The following DCLK1 variants were observed in gnomAD, a reference collection of about 807,000 sequenced individuals.
The protein encoded by DCLK1 is serine/threonine-protein kinase DCLK1.
Under a neutral mutation model 86.2 loss-of-function variants are expected in DCLK1, and 16 were observed. The ratio of observed to expected loss-of-function variants is 0.19; its 90% CI spans 0.13 to 0.28. The LOEUF is 0.28. Ranked by LOEUF, DCLK1 falls within the 10% of genes least tolerant of loss-of-function variation. DCLK1 has a pLI of 1.00. For synonymous variants in DCLK1, 369 were observed against 370.5 expected, an observed-to-expected ratio of 1.00 and a Z score of 0.05; for missense variants, 590 against 940.2, an observed-to-expected ratio of 0.63 and a Z score of 4.87.
intron 3 of DCLK1, among the ~76,000 whole-genome samples, chr13:36,084,883 C>A (rs1422706099): frequency 6.6e-6 from 1 of 152,112 alleles, no homozygotes; most frequent in African/African-American, 2.4e-5. Flanking sequence ...AATTGTTATA[C>A]CATTTTCAAA....
At chr13:35,857,948 A>C (rs934885674) in intron 5 of DCLK1, among the ~76,000 whole-genome samples, 1 of 152,226 alleles carries the variant, frequency 6.6e-6, no homozygotes, top group African/African-American at 2.4e-5. Flanking sequence ...CAGGGGCCGC[A>C]TAGTGAGTAG....
intron 3 of DCLK1, among the ~76,000 whole-genome samples, chr13:36,008,673 G>A (rs1227122040): frequency 2.1e-4 from 30 of 146,330 alleles, no homozygotes; most frequent in African/African-American, 5.3e-4. Flanking sequence ...GAATAATGCC[G>A]CAATAAACAT....
chr13:35,812,105 G>C (rs2087158546), intron 11 of DCLK1, among the ~76,000 whole-genome samples: 1 of 152,240 alleles, frequency 6.6e-6, no homozygotes, highest in Admixed American at 6.5e-5. Context: ...TCAAGAAAAG[G>C]ATGCATGTGA....
At chr13:35,855,615 T>C (rs1593665736) in intron 5 of DCLK1, 2 of 1,541,450 alleles carry the variant, frequency 1.3e-6, no homozygotes, top group East Asian at 2.4e-5. Context: ...TGGGAATCGG[T>C]TGGATGAGTT....
chr13:35,972,705 T>G (rs747196365), intron 3 of DCLK1, among the ~76,000 whole-genome samples: 1 of 152,040 alleles, frequency 6.6e-6, no homozygotes, highest in South Asian at 2.1e-4. Context: ...TGAGGTGGAC[T>G]CAAAAGATGG....
intron 4 of DCLK1, among the ~76,000 whole-genome samples, chr13:35,904,542 T>C (rs1289887388): frequency 1.3e-5 from 2 of 152,176 alleles, no homozygotes; most frequent in African/African-American, 4.8e-5. Flanking sequence ...TATCAAACAT[T>C]GCACTTGCTG....
intron 4 of DCLK1, among the ~76,000 whole-genome samples, chr13:35,914,035 G>A (rs901773080): frequency 1.1e-4 from 16 of 151,974 alleles, no homozygotes; most frequent in South Asian, 6.2e-4. Context: ...AGATATATTA[G>A]GGCTGGGCAC....
intron 4 of DCLK1, among the ~76,000 whole-genome samples, chr13:35,906,068 T>C (rs1459838849): frequency 6.6e-6 from 1 of 152,206 alleles, no homozygotes; most frequent in African/African-American, 2.4e-5. Context: ...TGGAATAGCA[T>C]TGTTCTTTTC....
intron 4 of DCLK1, among the ~76,000 whole-genome samples, chr13:35,908,032 T>A (rs943036997): frequency 6.6e-6 from 1 of 152,106 alleles, no homozygotes; most frequent in Non-Finnish European, 1.5e-5. Flanking sequence ...GACGTATTCA[T>A]ACCCTTAAAA....
At chr13:36,039,358 T>C (rs1158845124) in intron 3 of DCLK1, among the ~76,000 whole-genome samples, 1 of 152,202 alleles carries the variant, frequency 6.6e-6, no homozygotes, top group African/African-American at 2.4e-5. Context: ...CCATTGGAGC[T>C]ATACTGAGCT....
At chr13:35,852,547 G>GT (rs1870733193) in intron 6 of DCLK1, among the ~76,000 whole-genome samples, 1 of 152,146 alleles carries the variant, frequency 6.6e-6, no homozygotes, top group Admixed American at 6.5e-5. Flanking sequence ...CAAGTATGGT[G>GT]TTTGCACTGA....
chr13:36,053,697 G>A (rs1883202727), intron 3 of DCLK1, among the ~76,000 whole-genome samples: 1 of 151,988 alleles, frequency 6.6e-6, no homozygotes, highest in Non-Finnish European at 1.5e-5. Context: ...TAATGATAAA[G>A]GGGACAGTGC....
At chr13:36,112,817 G>A (rs919460510) in intron 2 of DCLK1, among the ~76,000 whole-genome samples, 3 of 152,164 alleles carry the variant, frequency 2.0e-5, no homozygotes, top group Non-Finnish European at 4.4e-5. Context: ...TTGTTCATAA[G>A]TAAGAGGTTT....
At chr13:35,958,069 C>CTAG (rs1878140410) in intron 3 of DCLK1, among the ~76,000 whole-genome samples, 1 of 31,622 alleles carries the variant, frequency 3.2e-5, no homozygotes, top group Non-Finnish European at 1.2e-4. Context: ...ACCACTAGCA[C>CTAG]CACCACCACT....
At chr13:36,125,738 T>TGG in intron 2 of DCLK1, 24 bp downstream of exon 2, 1 of 1,598,242 alleles carries the variant, frequency 6.3e-7, no homozygotes, top group African/African-American at 1.3e-5. Context: ...TAGGGTCACG[T>TGG]GGGGGTTATC....
chr13:35,774,552 G>A lies in DCLK1; in HGVS notation c.2206C>T (p.Pro736Ser). The A allele has an allele frequency of 1.9e-6, 3 of 1,555,078 alleles. No individual in the cohort carries two copies. Among genetic ancestry groups the A allele is most frequent in the Non-Finnish European group, 2.6e-6 (3 of 1,148,450 alleles). The change falls in exon 17 of 17, where the codon CCT becomes TCT. Residue 736 changes from proline (P) to serine (S), a missense_variant. Physicochemically the swap from Pro to Ser is moderately conservative, Grantham distance 74 (BLOSUM62 -1). Around this residue, in one of 6 missense-constraint regions of DCLK1, gnomAD observed 146 missense variants for 190.2 expected, o/e 0.77. Transcript: ENST00000360631. ...SPSSSETVRS[P>S]NSPF ...GGGTCTTATTAAAAGGGCGAGTTAG[G>A]GGAGCGAACAGTCTCGGAGGAGCTT...
At chr13:36,034,885 A>C (rs973120617) in intron 3 of DCLK1, among the ~76,000 whole-genome samples, 1 of 152,176 alleles carries the variant, frequency 6.6e-6, no homozygotes, top group African/African-American at 2.4e-5. Flanking sequence ...TGGTAAGGAG[A>C]AAGTTCAGGA....
At chr13:36,045,318 ATG>A (rs1190083437) in intron 3 of DCLK1, among the ~76,000 whole-genome samples, 3,961 of 79,598 alleles carry the variant, frequency 0.05, 232 homozygotes, top group East Asian at 0.089. Flanking sequence ...ATGTCTATAT[ATG>A]TGTGTGTGTG....
chr13:35,782,542 T>G (rs2874868), intron 16 of DCLK1, among the ~76,000 whole-genome samples: 32,529 of 152,162 alleles, frequency 0.21, 4,172 homozygotes, highest in East Asian at 0.34. Flanking sequence ...TAGTCCTGGA[T>G]TGCTAAAAGT....
Sources: gnomAD v4.1 joint callset for allele counts (sites outside exome capture counted in the v4.1 genomes callset) on GRCh38, gnomAD v4.1.1 for gene constraint, gnomAD v4.1.1 regional missense constraint, MANE v1.5 for transcripts, NCBI Gene and HGNC (gene_info 2026-07-23, HGNC 2026-07-21) for gene names.